The following CFAP46 variants were observed in gnomAD, a reference collection of about 807,000 sequenced individuals.
The protein encoded by CFAP46 is cilia and flagella associated protein 46.
Under a neutral mutation model 325.7 loss-of-function variants are expected in CFAP46, and 245 were observed. The ratio of observed to expected loss-of-function variants is 0.75; its 90% CI spans 0.68 to 0.84. The LOEUF is 0.84. CFAP46 is among the 40% of genes least tolerant of loss of function. The probability of loss-of-function intolerance (pLI) is 0.00; values close to 1 mark genes in which losing one functional copy is unlikely to be tolerated. For synonymous variants in CFAP46, 1,523 were observed against 1,495.9 expected, an observed-to-expected ratio of 1.02 and a Z score of -0.42; for missense variants, 3,346 against 3,543.0, an observed-to-expected ratio of 0.94 and a Z score of 1.41.
At position 132,834,786 on chromosome 10, in the gene CFAP46, C is replaced by G; in HGVS notation, c.6745-11G>C. On this transcript the variant is annotated splice_polypyrimidine_tract_variant and intron_variant, in intron 47 of 57. Transcript: ENST00000368586. Reference sequence around the variant, plus strand: ...CAGGCCTTCTGGTTCCTACCGCAATCCAAAAAAGAGGCCCCCGTAGCAAAC... The same window carrying G: ...CAGGCCTTCTGGTTCCTACCGCAATGCAAAAAAGAGGCCCCCGTAGCAAAC... 6.2e-7 allele frequency: 1 copy of G among 1,606,408 alleles called. No individual in the cohort carries two copies. Among genetic ancestry groups the G allele is most frequent in the African/African-American group, 1.3e-5 (1 of 74,688 alleles).
At chr10:132,931,321 A>G in intron 8 of CFAP46, among the ~76,000 whole-genome samples, 1 of 113,154 alleles carries the variant, frequency 8.8e-6, no homozygotes, top group Non-Finnish European at 1.8e-5. Context: ...CTCCTCACGC[A>G]GAGCCTGGGC....
chr10:132,893,765 T>TA (rs1234859882), intron 24 of CFAP46, among the ~76,000 whole-genome samples: 1 of 152,264 alleles, frequency 6.6e-6, no homozygotes, highest in African/African-American at 2.4e-5. Context: ...AGCTCTTTGA[T>TA]AAACTCTCAC....
At chr10:132,942,141 TGG>T in intron 1 of CFAP46, 37 bp from the exon 2 acceptor site, 1 of 1,549,922 alleles carries the variant, frequency 6.5e-7, no homozygotes, top group Non-Finnish European at 8.7e-7. Context: ...GTTTGGTCAC[TGG>T]GCTGGGAGAA....
In CFAP46 at chr10:132,822,125, TTGTGTGTGCTG is replaced by T. The variant is rs1437164773; in HGVS notation, c.7118-7222_7118-7212del. On this transcript the variant is annotated intron_variant, in intron 50 of 57. Transcript: ENST00000368586. ...GTGCTGATGTGTGCTGTGTGTGCAC[TTGTGTGTGCTG>T]TGTGTGTGCTGATGTGTGCTGTGTG... Among the ~76,000 whole-genome samples, 52 of 139,338 alleles carry T rather than the reference TTGTGTGTGCTG, an allele frequency of 3.7e-4. 1 individual carries two copies. Among genetic ancestry groups the T allele is most frequent in the Non-Finnish European group, 2.6e-4 (17 of 65,016 alleles). The allele number at this position is 139,338 out of a possible 152,430, so 91.4% of individuals were successfully genotyped here.
chr10:132,916,926 G>A (rs1849648716), intron 16 of CFAP46, among the ~76,000 whole-genome samples: 1 of 152,214 alleles, frequency 6.6e-6, no homozygotes, highest in Admixed American at 6.5e-5. Context: ...GGTCCTTCCA[G>A]AGCACCGCAC....
Position 132,926,617 on chromosome 10 carries a change from G to A in CFAP46, c.1016C>T (p.Ala339Val). 2 of 1,536,246 alleles carry A rather than the reference G, an allele frequency of 1.3e-6. No individual in the cohort carries two copies. Among genetic ancestry groups the A allele is most frequent in the Non-Finnish European group, 1.7e-6 (2 of 1,146,948 alleles). The change falls in exon 10 of 58, where the codon GCT (alanine) becomes GTT (valine). Residue 339 changes from alanine to valine, a missense_variant. Physicochemically the swap from Ala to Val is moderately conservative, Grantham distance 64 (BLOSUM62 0). Coordinates refer to ENST00000368586, the MANE Select transcript of CFAP46 (RefSeq NM_001200049.3). Reference sequence around the variant, plus strand: ...TTTCATCTTACTTTCAAGTCTTAAAGCTTCCGATTCACACTCCAGACATTC... The same window carrying A: ...TTTCATCTTACTTTCAAGTCTTAAAACTTCCGATTCACACTCCAGACATTC... ...EMECLECESE[A>V]LRLESKMKVY...
Position 132,860,939 on chromosome 10 carries a change from A to T in CFAP46, c.4934T>A (p.Leu1645His). ...TTTCTCCTTGTTGGCCAACTGTGCG[A>T]GGAGGAGCAGGCACTGGGCCTCTGC... ...PCAEAQCLLL[L>H]AQLANKEKNY... The change falls in exon 36 of 58, where the codon CTC (leucine) becomes CAC (histidine). Residue 1645 changes from leucine (L) to histidine (H), a missense_variant. Transcript: ENST00000368586. The T allele has an allele frequency of 6.4e-7, 1 of 1,550,704 alleles. No individual in the cohort carries two copies.
intron 22 of CFAP46, among the ~76,000 whole-genome samples, chr10:132,901,111 A>T (rs1158382366): frequency 6.6e-6 from 1 of 152,188 alleles, no homozygotes; most frequent in Non-Finnish European, 1.5e-5. Flanking sequence ...ATACATTTGA[A>T]GAGGGTCTCC....
rs1389184185 is a variant in CFAP46 at position 132,888,536 on chromosome 10, G to T, written c.3305-2577C>A. Among the ~76,000 whole-genome samples, 9 of 5,466 alleles carry T rather than the reference G, an allele frequency of 1.6e-3. 2 individuals are homozygous for T. Among genetic ancestry groups the T allele is most frequent in the South Asian group, 0.011 (1 of 90 alleles). 3.6% of individuals were successfully genotyped at this position (5,466 alleles called of 152,430 possible). A position where few individuals can be genotyped will look rare whatever the true frequency, so the allele number is the denominator to read the frequency against. ...CCTGCCACCTTCACCCCTGCCGCCT[G>T]CACCTGCCACCTTCACCCCTGCCGC... On this transcript the variant is annotated intron_variant, in intron 25 of 57. Transcript: ENST00000368586.
chr10:132,938,306 G>A (rs1850042473), intron 5 of CFAP46, among the ~76,000 whole-genome samples: 2 of 152,252 alleles, frequency 1.3e-5, no homozygotes, highest in Admixed American at 1.3e-4. Context: ...CGTGAGCCAG[G>A]CTGCGTGGGG....
intron 10 of CFAP46, among the ~76,000 whole-genome samples, chr10:132,925,587 G>A (rs1243783432): frequency 2.0e-5 from 3 of 152,286 alleles, no homozygotes; most frequent in Non-Finnish European, 4.4e-5. Context: ...AAGTGCAACA[G>A]CCAAAGCGTC....
intron 31 of CFAP46, among the ~76,000 whole-genome samples, chr10:132,875,483 C>A (rs1320354918): frequency 1.3e-5 from 2 of 152,204 alleles, no homozygotes; most frequent in Non-Finnish European, 2.9e-5. Flanking sequence ...ACCAAATACT[C>A]ACGGTTGTGA....
chr10:132,922,724 G>C lies in CFAP46; in HGVS notation c.1257-16C>G, dbSNP rs1849746768. The C allele has an allele frequency of 1.3e-6, 2 of 1,535,686 alleles. No homozygotes were observed. The highest frequency in any genetic ancestry group is 1.8e-6 in the Non-Finnish European group (2 of 1,135,378). On this transcript the variant is annotated splice_polypyrimidine_tract_variant and intron_variant, in intron 11 of 57. Coordinates refer to ENST00000368586, the MANE Select transcript of CFAP46 (RefSeq NM_001200049.3). The stretch of plus-strand genomic sequence containing the variant: ...CGTCATGAGGCTGCGGGGGTGGCGT[G>C]GCATCAGGGGCCCTGGCGGCGCTGC...
At position 132,860,774 on chromosome 10, in the gene CFAP46, C is replaced by T; in HGVS notation, c.5091+8G>A. The T allele has an allele frequency of 6.5e-7, 1 of 1,550,302 alleles. No individual in the cohort carries two copies. The highest frequency in any genetic ancestry group is 8.7e-7 in the Non-Finnish European group (1 of 1,146,756). ...CGACATGCAGCCCCAGGTCCCCGTGCCTCTTACCGTAGCTTCCCTTCCTGA... is the reference window on the plus strand; with the variant it reads ...CGACATGCAGCCCCAGGTCCCCGTGTCTCTTACCGTAGCTTCCCTTCCTGA... On this transcript the variant is annotated splice_region_variant and intron_variant, in intron 36 of 57. Coordinates refer to ENST00000368586, the MANE Select transcript of CFAP46 (RefSeq NM_001200049.3).
chr10:132,912,574 C>CCT (rs56735878), intron 19 of CFAP46, 81 bp downstream of exon 19: 7 of 1,311,656 alleles, frequency 5.3e-6, no homozygotes, highest in Admixed American at 4.5e-5. Flanking sequence ...TCCTCTTTCA[C>CCT]CTCTCCTCTC....
At chr10:132,915,624 G>A (rs572812944) in intron 17 of CFAP46, among the ~76,000 whole-genome samples, 1 of 151,054 alleles carries the variant, frequency 6.6e-6, no homozygotes, top group Non-Finnish European at 1.5e-5. Flanking sequence ...TGCCCCGAGG[G>A]ACCGGCGAGG....
In CFAP46 at chr10:132,899,091, C is replaced by G. The variant is rs992186890; in HGVS notation, c.3087G>C (p.Leu1029=). 10 of 1,550,164 alleles carry G rather than the reference C, an allele frequency of 6.5e-6. No individual in the cohort carries two copies. Among genetic ancestry groups the G allele is most frequent in the Non-Finnish European group, 7.8e-6 (9 of 1,146,928 alleles). ...AGTAATGCCGCGCGGCCAGCATCACCAGGGCGCTGCTGCCCGCGATGCCTC... is the reference window on the plus strand; with the variant it reads ...AGTAATGCCGCGCGGCCAGCATCACGAGGGCGCTGCTGCCCGCGATGCCTC... ...RFGGIAGSSA[L]VMLAARHYWN... is the part of the protein sequence containing the mutation. Residue 1029 remains leucine, a synonymous_variant, in exon 24 of 58, where the codon CTG becomes CTC. Transcript: ENST00000368586.
At chr10:132,894,432 A>G (rs961536065) in intron 24 of CFAP46, among the ~76,000 whole-genome samples, 1 of 152,206 alleles carries the variant, frequency 6.6e-6, no homozygotes, top group African/African-American at 2.4e-5. Context: ...ACTTTACATC[A>G]TAAGGAACTA....
chr10:132,927,329 G>A (rs1032331124), intron 9 of CFAP46, among the ~76,000 whole-genome samples: 41 of 146,094 alleles, frequency 2.8e-4, no homozygotes, highest in African/African-American at 1.1e-4. Context: ...GGCGGCAGAC[G>A]CCTCCGTCCC....
Sources: allele counts gnomAD v4.1 joint callset (sites outside exome capture counted in the v4.1 genomes callset), GRCh38; gene constraint gnomAD v4.1.1; transcripts MANE v1.5; gene names NCBI Gene and HGNC (gene_info 2026-07-23, HGNC 2026-07-21).